Variants in NEUROD2 observed in about 807,000 individuals in gnomAD.
The protein encoded by NEUROD2 is neuronal differentiation 2.
NEUROD2 carries 5 observed loss-of-function variants against 9.3 expected under a neutral mutation model. The observed-to-expected ratio is 0.54, with a 90% CI of 0.28 to 1.13. The LOEUF (loss-of-function observed/expected upper bound fraction) is 1.13, where lower values mean the gene tolerates loss of function less well. Among genes scored for constraint, NEUROD2 ranks in the 50% most tolerant of loss-of-function variants. The pLI is 0.10. For missense variants in NEUROD2, 376 were observed against 549.2 expected, an observed-to-expected ratio of 0.68 and a Z score of 3.15; for synonymous variants, 277 against 257.3, an observed-to-expected ratio of 1.08 and a Z score of -0.73.
In NEUROD2 at chr17:39,605,876, G is replaced by A. The variant is rs1210853939; in HGVS notation, c.724C>T (p.Pro242Ser). Reference protein sequence around the residue: ...GPFAMHPYPYPCSRLAGAQCQ... With the variant: ...GPFAMHPYPYSCSRLAGAQCQ... ...TGTGCGCCCGCCAGGCGCGAGCACG[G>A]GTACGGGTAGGGGTGCATGGCGAAC... is the stretch of plus-strand genomic sequence containing the variant. The change falls in exon 2 of 2, where the codon CCG (proline) becomes TCG (serine). Residue 242 changes from proline to serine, a missense_variant. Transcript: ENST00000302584. This position sits in a 1 kb window ranked among gnomAD's most constrained non-coding sequence, Gnocchi z 6.8. 1.3e-6 allele frequency: 2 copies of A among 1,572,210 alleles called. No individual in the cohort carries two copies. Among genetic ancestry groups the A allele is most frequent in the Non-Finnish European group, 1.7e-6 (2 of 1,163,370 alleles).
At position 39,605,426 on chromosome 17, in the gene NEUROD2, A is replaced by T. The variant is rs951462020; in HGVS notation, c.*25T>A. ...CAGGGGGGCGGGCAAAGGCAAAAGA[A>T]AAAGAAGGGAGCCGGCGCGAAGTCT... On this transcript the variant is annotated 3_prime_UTR_variant, in exon 2 of 2. Coordinates refer to ENST00000302584, the MANE Select transcript of NEUROD2 (RefSeq NM_006160.4). This position sits in a 1 kb window ranked among gnomAD's most constrained non-coding sequence, Gnocchi z 6.8. 13 of 1,527,176 alleles carry T rather than the reference A, an allele frequency of 8.5e-6. No homozygotes were observed. The highest frequency in any genetic ancestry group is 1.4e-5 in the African/African-American group (1 of 72,528). The allele number at this position is 1,527,176 out of a possible 1,614,324, so 94.6% of individuals were successfully genotyped here.
In NEUROD2 at chr17:39,605,777, C is replaced by T. The variant is rs1205059479; in HGVS notation, c.823G>A (p.Glu275Lys). Reference sequence around the variant, plus strand: ...CCGCCTGCCGCCGCATACAGCGTCTCGTAGGCGGCGCAGTAGCCGTGGGTC... The same window carrying T: ...CCGCCTGCCGCCGCATACAGCGTCTTGTAGGCGGCGCAGTAGCCGTGGGTC... ...LRTHGYCAAY[E>K]TLYAAAGGGG... The change falls in exon 2 of 2, where the codon GAG (glutamate) becomes AAG (lysine). Residue 275 changes from glutamate (E) to lysine (K), a missense_variant. By Grantham distance (56) the Glu-to-Lys change is moderately conservative. Around this residue, in one of 3 missense-constraint regions of NEUROD2, gnomAD observed 193 missense variants for 255.8 expected, o/e 0.75. Transcript: ENST00000302584. The surrounding 1 kb of genome is among the most constrained non-coding windows in gnomAD (Gnocchi z 6.8). 1 of 1,445,866 alleles carries T rather than the reference C, an allele frequency of 6.9e-7. No individual in the cohort carries two copies. 89.6% of individuals were successfully genotyped at this position (1,445,866 alleles called of 1,614,324 possible). A position where few individuals can be genotyped will look rare whatever the true frequency, so the allele number is the denominator to read the frequency against.
chr17:39,607,557 C>A (rs1174124408), intron 1 of NEUROD2, 171 bp downstream of exon 1: 1 of 971,478 alleles, frequency 1.0e-6, no homozygotes, highest in Non-Finnish European at 1.2e-6. Context: ...CTCTGCAGCC[C>A]CCTGGGCTGC....
In NEUROD2 at chr17:39,604,359, A is replaced by G. The variant is rs1193097632; in HGVS notation, c.*1092T>C. 6.5e-6 allele frequency: 1 copy of G among 152,700 alleles called. No homozygotes were observed. The highest frequency in any genetic ancestry group is 1.5e-5 in the Non-Finnish European group (1 of 68,016). 9.5% of individuals were successfully genotyped at this position (152,700 alleles called of 1,614,324 possible). On this transcript the variant is annotated 3_prime_UTR_variant, in exon 2 of 2. Transcript: ENST00000302584. Reference sequence around the variant, plus strand: ...CCCCAACAGTTTGCCATTCCATACAAATTTGGAAACAGGTTTTTAAAAAAC... The same window carrying G: ...CCCCAACAGTTTGCCATTCCATACAGATTTGGAAACAGGTTTTTAAAAAAC...
rs76347134 is a variant in NEUROD2 at position 39,603,785 on chromosome 17, T to C, written c.*1666A>G. On this transcript the variant is annotated 3_prime_UTR_variant, in exon 2 of 2. Transcript: ENST00000302584. The stretch of plus-strand genomic sequence containing the variant: ...GAAACCGGTCCGGCTTTGCATCTCA[T>C]TTACATAAATATTTATTAATCGTCA... The C allele has an allele frequency of 3.1e-4, 47 of 152,804 alleles. No individual in the cohort carries two copies. Among genetic ancestry groups the C allele is most frequent in the African/African-American group, 1.1e-3 (47 of 41,538 alleles). The allele number at this position is 152,804 out of a possible 1,614,324, so 9.5% of individuals were successfully genotyped here.
In NEUROD2 at chr17:39,606,962, G is replaced by GA. The variant is rs199533515; in HGVS notation, c.-5-359dup. 458 of 210,618 alleles carry GA rather than the reference G, an allele frequency of 2.2e-3. 3 individuals carry two copies. The highest frequency in any genetic ancestry group is 1.0e-2 in the African/African-American group (431 of 43,302). The allele number at this position is 210,618 out of a possible 1,614,324, so 13.0% of individuals were successfully genotyped here. A position where few individuals can be genotyped will look rare whatever the true frequency, so the allele number is the denominator to read the frequency against. On this transcript the variant is annotated intron_variant, in intron 1 of 1. Transcript: ENST00000302584. This position sits in a 1 kb window ranked among gnomAD's most constrained non-coding sequence, Gnocchi z 7.8. Reference sequence around the variant, plus strand: ...CCAGGGGAGGCGGCGCGCTCGCCCTGAAAGCCCGTTCTCTCCTGGCGGTGG... The same window carrying GA: ...CCAGGGGAGGCGGCGCGCTCGCCCTGAAAAGCCCGTTCTCTCCTGGCGGTGG...
intron 1 of NEUROD2, chr17:39,607,492 C>T (rs1218252068): frequency 3.8e-6 from 2 of 524,744 alleles, no homozygotes; most frequent in Non-Finnish European, 4.9e-6. Flanking sequence ...CGCATATCCC[C>T]CTCCGTGATC....
Sources: gnomAD v4.1 joint callset for allele counts on GRCh38, gnomAD v4.1.1 for gene constraint, gnomAD v4.1.1 regional missense constraint, Gnocchi (gnomAD v3.1) non-coding constraint, MANE v1.5 for transcripts, NCBI Gene and HGNC (gene_info 2026-07-23, HGNC 2026-07-21) for gene names.